The following KDM2B variants were observed in gnomAD, a reference collection of about 807,000 sequenced individuals.
KDM2B encodes the protein lysine-specific demethylase 2B.
KDM2B carries 26 observed loss-of-function variants against 150.0 expected under a neutral mutation model. The ratio of observed to expected loss-of-function variants is 0.17; its 90% CI spans 0.13 to 0.24. KDM2B has a LOEUF of 0.24. KDM2B is among the 10% of genes least tolerant of loss of function. KDM2B has a pLI of 1.00. For missense variants in KDM2B, 1,265 were observed against 1,816.9 expected, an observed-to-expected ratio of 0.70 and a Z score of 5.52; for synonymous variants, 734 against 729.5, an observed-to-expected ratio of 1.01 and a Z score of -0.10.
chr12:121,446,204 G>T (rs1037057423), intron 13 of KDM2B, among the ~76,000 whole-genome samples: 1 of 152,156 alleles, frequency 6.6e-6, no homozygotes, highest in South Asian at 2.1e-4. Context: ...GACCATCCCG[G>T]CTACCACGGT....
chr12:121,544,614 C>CA (rs1566399877), intron 6 of KDM2B, among the ~76,000 whole-genome samples: 1 of 146,812 alleles, frequency 6.8e-6, no homozygotes, highest in Admixed American at 6.8e-5. Flanking sequence ...CGTCCCCCCC[C>CA]AAAAAAAGAA....
chr12:121,511,281 A>ATTTTTTTTT (rs35590443), intron 10 of KDM2B, among the ~76,000 whole-genome samples: 1 of 110,464 alleles, frequency 9.1e-6, no homozygotes, highest in African/African-American at 3.9e-5. Flanking sequence ...AATGCTAGGA[A>ATTTTTTTTT]TTTTTTTTTT....
chr12:121,441,755 A>G (rs1349804339), intron 19 of KDM2B, among the ~76,000 whole-genome samples: 4 of 152,120 alleles, frequency 2.6e-5, no homozygotes, highest in African/African-American at 9.7e-5. Context: ...GGGCTTTACA[A>G]CGCCCTCTAC....
rs1875691502 is a variant in KDM2B, at chr12:121,444,070, A to G, written c.2393T>C (p.Val798Ala). 1 of 1,613,812 alleles carries G rather than the reference A, an allele frequency of 6.2e-7. No individual in the cohort carries two copies. The highest frequency in any genetic ancestry group is 1.3e-5 in the African/African-American group (1 of 74,934). The change falls in exon 16 of 23, where the codon GTG becomes GCG. Residue 798 changes from valine (V) to alanine (A), a missense_variant. By Grantham distance (64) the Val-to-Ala change is moderately conservative. Around this residue, in one of 11 missense-constraint regions of KDM2B, gnomAD observed 418 missense variants for 402.4 expected, o/e 1.04. Coordinates refer to ENST00000377071, the MANE Select transcript of KDM2B (RefSeq NM_032590.5). ...GTATTTCCGCTTCTTCCTCAGGTGC[A>G]CGTCGTCAGACTTTCTGCGCAGAAG... Reference protein sequence around the residue: ...DGLLRRKSDDVHLRKKRKYEK... With the variant: ...DGLLRRKSDDAHLRKKRKYEK...
chr12:121,579,517 C>T, intron 1 of KDM2B: 1 of 922,998 alleles, frequency 1.1e-6, no homozygotes, highest in Non-Finnish European at 1.5e-6. Context: ...CCCGCCAGTG[C>T]AAGAAGAGGA....
At chr12:121,466,109 G>A (rs1383605572) in intron 12 of KDM2B, among the ~76,000 whole-genome samples, 3 of 151,534 alleles carry the variant, frequency 2.0e-5, no homozygotes, top group Non-Finnish European at 4.4e-5. Context: ...AGCCTATAGA[G>A]CACTTCCTCA....
At chr12:121,439,100 T>C (rs1874515408) in intron 22 of KDM2B, among the ~76,000 whole-genome samples, 2 of 152,062 alleles carry the variant, frequency 1.3e-5, no homozygotes, top group African/African-American at 4.8e-5. Flanking sequence ...ACTGTGGGTT[T>C]TTTTCTCTCC....
chr12:121,423,093 A>T, the KDM2B span, among the ~76,000 whole-genome samples: 84 of 152,250 alleles, frequency 5.5e-4, 2 homozygotes, highest in Non-Finnish European at 2.2e-4. This position sits in a 1 kb window ranked among gnomAD's most constrained non-coding sequence, Gnocchi z 4.3. Context: ...TATCCCTATC[A>T]CAGATGTCTT....
intron 12 of KDM2B, among the ~76,000 whole-genome samples, chr12:121,485,039 A>G (rs1555298607): frequency 6.6e-6 from 1 of 152,082 alleles, no homozygotes; most frequent in East Asian, 1.9e-4. Flanking sequence ...CAGGGAGACC[A>G]CAGCTACCTA....
At chr12:121,568,866 T>TAAAAA (rs56132369) in intron 4 of KDM2B, among the ~76,000 whole-genome samples, 1 of 139,940 alleles carries the variant, frequency 7.1e-6, no homozygotes, top group Non-Finnish European at 1.5e-5. Flanking sequence ...GCTTTTTTGT[T>TAAAAA]AAAAAAAAAA....
At chr12:121,485,925 C>T (rs1013727918) in intron 12 of KDM2B, among the ~76,000 whole-genome samples, 6 of 151,162 alleles carry the variant, frequency 4.0e-5, no homozygotes, top group Non-Finnish European at 5.9e-5. Context: ...TACAGGCATG[C>T]GCCACCACAC....
intron 8 of KDM2B, among the ~76,000 whole-genome samples, chr12:121,529,523 A>T (rs1887445769): frequency 6.6e-6 from 1 of 151,728 alleles, no homozygotes; most frequent in Non-Finnish European, 1.5e-5. Context: ...GTTTCCCAAG[A>T]CTCTCTCCTC....
chr12:121,467,132 C>T lies in KDM2B; in HGVS notation c.1735-13788G>A. 1 of 1,119,776 alleles carries T rather than the reference C, an allele frequency of 8.9e-7. No homozygotes were observed. The allele number at this position is 1,119,776 out of a possible 1,614,324, so 69.4% of individuals were successfully genotyped here. ...CGGGAGGTCGTGCGGCGGGTCCCTC[C>T]CTCAGCCCCACCCCGGGCCGCCGAC... On this transcript the variant is annotated intron_variant, in intron 12 of 22. Transcript: ENST00000377071. The surrounding 1 kb of genome is among the most constrained non-coding windows in gnomAD (Gnocchi z 5.1).
intron 13 of KDM2B, 26 bp from the exon 14 acceptor site, chr12:121,445,444 A>C: frequency 6.4e-7 from 1 of 1,568,766 alleles, no homozygotes; most frequent in South Asian, 1.2e-5. Flanking sequence ...GAACAAGACA[A>C]GTCATCAGGG....
At position 121,442,711 on chromosome 12, in the gene KDM2B, G is replaced by C. The variant is rs781838028; in HGVS notation, c.2730C>G (p.Ser910=). Residue 910 remains serine, a synonymous_variant, in exon 19 of 23, where the codon TCC becomes TCG. Coordinates refer to ENST00000377071, the MANE Select transcript of KDM2B (RefSeq NM_032590.5). The surrounding 1 kb of genome is among the most constrained non-coding windows in gnomAD (Gnocchi z 7.7). ...APPKTRESDH[S]RSSSPTAGPS... The stretch of plus-strand genomic sequence containing the variant: ...GTCCCGCGGTGGGGGAGCTGGAGCG[G>C]GAGTGGTCGCTCTCCCTGGTCTTGG... 1 of 1,582,864 alleles carries C rather than the reference G, an allele frequency of 6.3e-7. No homozygotes were observed. The highest frequency in any genetic ancestry group is 8.6e-7 in the Non-Finnish European group (1 of 1,166,630).
At position 121,569,593 on chromosome 12, in the gene KDM2B, A is replaced by G. The variant is rs182986989; in HGVS notation, c.397+4954T>C. Among the ~76,000 whole-genome samples, 66 of 152,322 alleles carry G rather than the reference A, an allele frequency of 4.3e-4. 1 individual carries two copies. The highest frequency in any genetic ancestry group is 3.5e-3 in the Admixed American group (54 of 15,304). On this transcript the variant is annotated intron_variant, in intron 4 of 22. Coordinates refer to ENST00000377071, the MANE Select transcript of KDM2B (RefSeq NM_032590.5). ...TAGGACAGCTAGAGTTACATTTGTC[A>G]CTTAGGTCACTTATAACAAATGTGC...
Position 121,452,819 on chromosome 12 carries a change from G to A in KDM2B, c.1959+301C>T, listed in dbSNP as rs1018316681. ...GGCAGGGCCGGAAGGAAGGAAGGAA[G>A]GGCCCAGAACCGTCACCCAGAACCG... is the stretch of plus-strand genomic sequence containing the variant. On this transcript the variant is annotated intron_variant, in intron 13 of 22. Transcript: ENST00000377071. This position sits in a 1 kb window ranked among gnomAD's most constrained non-coding sequence, Gnocchi z 4.4. Among the ~76,000 whole-genome samples the A allele has an allele frequency of 9.9e-5, 15 of 152,210 alleles. No individual in the cohort carries two copies. Among genetic ancestry groups the A allele is most frequent in the Admixed American group, 8.5e-4 (13 of 15,286 alleles).
rs537100738 is a variant in KDM2B at position 121,478,398 on chromosome 12, C to T, written c.1734+16181G>A. ...TTTTTAAGACGGAGTCGTGCTCTGT[C>T]GCCCAGGCTGAAGTGCAGTGGCGTG... On this transcript the variant is annotated intron_variant, in intron 12 of 22. Transcript: ENST00000377071. 3.4e-5 allele frequency among the ~76,000 whole-genome samples: 5 copies of T among 146,342 alleles called. No individual in the cohort carries two copies. The East Asian group carries it at 6.1e-4, about 18-fold the overall frequency.
At chr12:121,527,515 A>G (rs1270056600) in intron 8 of KDM2B, among the ~76,000 whole-genome samples, 36 of 150,748 alleles carry the variant, frequency 2.4e-4, no homozygotes, top group East Asian at 1.2e-3. Flanking sequence ...TTAGCCGGGC[A>G]TGGTGGCAGG....
Sources: gnomAD v4.1 joint callset for allele counts (sites outside exome capture counted in the v4.1 genomes callset) on GRCh38, gnomAD v4.1.1 for gene constraint, gnomAD v4.1.1 regional missense constraint, Gnocchi (gnomAD v3.1) non-coding constraint, MANE v1.5 for transcripts, NCBI Gene and HGNC (gene_info 2026-07-23, HGNC 2026-07-21) for gene names.